KHDRBS2: variants seen among roughly 807,000 people sequenced by gnomAD.
The protein encoded by KHDRBS2 is KH domain-containing, RNA-binding, signal transduction-associated protein 2.
KHDRBS2 carries 26 observed loss-of-function variants against 44.3 expected under a neutral mutation model. That is an observed-to-expected ratio of 0.59 (90% CI 0.43 to 0.81). The LOEUF (loss-of-function observed/expected upper bound fraction) is 0.81. KHDRBS2 is among the 40% of genes least tolerant of loss of function. KHDRBS2 has a pLI of 0.00. For synonymous variants in KHDRBS2, 194 were observed against 151.1 expected (o/e 1.28, Z -2.08); for missense variants, 476 against 433.1 (o/e 1.10, Z -0.88).
intron 2 of KHDRBS2, among the ~76,000 whole-genome samples, chr6:62,099,231 G>A (rs1801318257): frequency 6.6e-6 from 1 of 152,190 alleles, no homozygotes; most frequent in Admixed American, 6.5e-5. Flanking sequence ...CACATTCAAG[G>A]ATTTGGTATT....
chr6:61,923,956 TG>T (rs1808512736), intron 4 of KHDRBS2, among the ~76,000 whole-genome samples: 1 of 152,026 alleles, frequency 6.6e-6, no homozygotes, highest in Non-Finnish European at 1.5e-5. Flanking sequence ...AATTCATCAA[TG>T]AAAAATAATA....
downstream of KHDRBS2, among the ~76,000 whole-genome samples, chr6:61,676,975 T>C (rs1339112693): frequency 2.6e-5 from 4 of 151,916 alleles, no homozygotes; most frequent in Non-Finnish European, 5.9e-5. Flanking sequence ...AAATCAGGCT[T>C]ACGTTACTCA....
chr6:62,071,254 G>A (rs1456195901), intron 2 of KHDRBS2, among the ~76,000 whole-genome samples: 2 of 152,110 alleles, frequency 1.3e-5, no homozygotes, highest in Admixed American at 1.3e-4. Flanking sequence ...TTTGTCAGAT[G>A]AGTAGATTGC....
intron 6 of KHDRBS2, among the ~76,000 whole-genome samples, chr6:61,846,448 C>A (rs1439178949): frequency 2.0e-5 from 3 of 152,110 alleles, no homozygotes; most frequent in Non-Finnish European, 2.9e-5. Flanking sequence ...CTTTCCTGAT[C>A]GGTTACCTAG....
chr6:62,130,687 A>G (rs1810089897), intron 2 of KHDRBS2, among the ~76,000 whole-genome samples: 1 of 152,104 alleles, frequency 6.6e-6, no homozygotes, highest in African/African-American at 2.4e-5. Context: ...AATATTAAGT[A>G]GAAAGTGTTT....
intron 6 of KHDRBS2, among the ~76,000 whole-genome samples, chr6:61,747,097 G>T (rs1284804978): frequency 2.7e-5 from 4 of 150,318 alleles, no homozygotes; most frequent in African/African-American, 7.3e-5. Flanking sequence ...TTTTTAAGAA[G>T]AAGACATTTA....
At chr6:62,165,268 T>TATTTATTC (rs1416538671) in intron 2 of KHDRBS2, among the ~76,000 whole-genome samples, 5 of 150,588 alleles carry the variant, frequency 3.3e-5, no homozygotes, top group Non-Finnish European at 7.4e-5. Context: ...TTTATTTATT[T>TATTTATTC]ATTTATTCAT....
intron 4 of KHDRBS2, among the ~76,000 whole-genome samples, chr6:61,976,495 A>C (rs1387672982): frequency 6.6e-6 from 1 of 152,024 alleles, no homozygotes; most frequent in Non-Finnish European, 1.5e-5. Context: ...GTAGATATAC[A>C]TATCAATTAA....
At chr6:61,662,656 T>C in the KHDRBS2 span, among the ~76,000 whole-genome samples, 3,757 of 151,740 alleles carry the variant, frequency 0.025, 80 homozygotes, top group Middle Eastern at 0.079. Flanking sequence ...AAAATGCTCA[T>C]CATCACTGGC....
At chr6:61,791,862 TATA>T (rs1784687593) in intron 6 of KHDRBS2, among the ~76,000 whole-genome samples, 1 of 151,362 alleles carries the variant, frequency 6.6e-6, no homozygotes, top group African/African-American at 2.4e-5. Flanking sequence ...CCTATTACTT[TATA>T]ATATTTGCCT....
chr6:62,121,379 A>G (rs1807596954), intron 2 of KHDRBS2, among the ~76,000 whole-genome samples: 1 of 151,550 alleles, frequency 6.6e-6, no homozygotes, highest in South Asian at 2.1e-4. Context: ...TCCCTGTTCG[A>G]CTCTCCTATT....
chr6:61,605,916 A>T, the KHDRBS2 span, among the ~76,000 whole-genome samples: 1 of 152,226 alleles, frequency 6.6e-6, no homozygotes, highest in Admixed American at 6.5e-5. Context: ...GAATCACAAA[A>T]GAAGTGAAAG....
intron 3 of KHDRBS2, among the ~76,000 whole-genome samples, chr6:62,042,179 T>C (rs576645168): frequency 8.5e-5 from 13 of 152,262 alleles, no homozygotes; most frequent in African/African-American, 2.6e-4. Context: ...TTCAGTCTGT[T>C]ACTCCTACTC....
At chr6:61,763,653 A>G (rs998308859) in intron 6 of KHDRBS2, among the ~76,000 whole-genome samples, 1 of 152,196 alleles carries the variant, frequency 6.6e-6, no homozygotes, top group Non-Finnish European at 1.5e-5. Context: ...TACATGAGGA[A>G]TACCAATAAT....
At chr6:61,876,062 G>T (rs1799369620) in intron 6 of KHDRBS2, among the ~76,000 whole-genome samples, 1 of 151,920 alleles carries the variant, frequency 6.6e-6, no homozygotes, top group South Asian at 2.1e-4. Context: ...AGCAGAAATA[G>T]TTGACAAATA....
intron 4 of KHDRBS2, among the ~76,000 whole-genome samples, chr6:61,951,564 C>T (rs1430985415): frequency 6.6e-6 from 1 of 151,988 alleles, no homozygotes; most frequent in Non-Finnish European, 1.5e-5. Flanking sequence ...ATTTGTATAA[C>T]ACCTTGGAAT....
At chr6:61,574,032 G>A in the KHDRBS2 span, among the ~76,000 whole-genome samples, 5 of 152,068 alleles carry the variant, frequency 3.3e-5, no homozygotes, top group African/African-American at 1.2e-4. Context: ...AACATAAAGT[G>A]GGTAAAGGAC....
rs62414734 is a variant in KHDRBS2, at chr6:61,955,745, T to A, written c.483+22321A>T. 3.6e-5 allele frequency among the ~76,000 whole-genome samples: 3 copies of A among 83,030 alleles called. 1 individual carries two copies. The highest frequency in any genetic ancestry group is 2.8e-4 in the Admixed American group (2 of 7,234). The allele number at this position is 83,030 out of a possible 152,430, so 54.5% of individuals were successfully genotyped here. On this transcript the variant is annotated intron_variant, in intron 4 of 8. Transcript: ENST00000281156. Reference sequence around the variant, plus strand: ...ATACATATATAGACAGAGAGAGAGGTAGACAGACAGAGAGAGAGAATGTAA... The same window carrying A: ...ATACATATATAGACAGAGAGAGAGGAAGACAGACAGAGAGAGAGAATGTAA...
chr6:61,592,188 C>CAAAAAAAAAAA, the KHDRBS2 span, among the ~76,000 whole-genome samples: 1 of 122,276 alleles, frequency 8.2e-6, no homozygotes, highest in Non-Finnish European at 1.7e-5. Context: ...AAGATCCCAC[C>CAAAAAAAAAAA]AAAAAAAAAA....
Sources: allele counts gnomAD v4.1 joint callset (sites outside exome capture counted in the v4.1 genomes callset), GRCh38; gene constraint gnomAD v4.1.1; transcripts MANE v1.5; gene names NCBI Gene and HGNC (gene_info 2026-07-23, HGNC 2026-07-21).